IHO1: variants seen among roughly 807,000 people sequenced by gnomAD.
IHO1 encodes the protein interactor of HORMAD1 1, also known as interactor of HORMAD1 protein 1.
IHO1 carries 13 observed loss-of-function variants against 31.0 expected under a neutral mutation model. The ratio of observed to expected loss-of-function variants is 0.42; its 90% CI spans 0.27 to 0.67. The LOEUF is 0.67. IHO1 is among the 30% of genes least tolerant of loss of function. The pLI, the probability that IHO1 is intolerant of heterozygous loss-of-function variation, is 0.24. For missense variants in IHO1, 599 were observed against 687.5 expected (o/e 0.87, Z 1.44); for synonymous variants, 221 against 248.4 (o/e 0.89, Z 1.04).
Position 49,256,064 on chromosome 3 carries a change from T to G in IHO1, c.637-70T>G. ...TTCTGCTGTCACATCCATTGGTCTG[T>G]TCTCATGTTTTATTGTGCTTTCTGA... is the stretch of plus-strand genomic sequence containing the variant. On this transcript the variant is annotated intron_variant, in intron 7 of 7. Coordinates refer to ENST00000452691, the MANE Select transcript of IHO1 (RefSeq NM_001135197.2). The surrounding 1 kb of genome is among the most constrained non-coding windows in gnomAD (Gnocchi z 4.6). The G allele has an allele frequency of 7.5e-7, 1 of 1,329,262 alleles. No homozygotes were observed. The highest frequency in any genetic ancestry group is 1.0e-6 in the Non-Finnish European group (1 of 957,158). The allele number at this position is 1,329,262 out of a possible 1,614,324, so 82.3% of individuals were successfully genotyped here.
chr3:49,236,133 C>T (rs1575580897), intron 2 of IHO1, among the ~76,000 whole-genome samples: 2 of 152,046 alleles, frequency 1.3e-5, no homozygotes. Flanking sequence ...CCTAGCTACC[C>T]AGGAGGCTGA....
chr3:49,201,740 A>G (rs1559435219), intron 1 of IHO1, among the ~76,000 whole-genome samples: 2 of 152,012 alleles, frequency 1.3e-5, no homozygotes, highest in African/African-American at 4.8e-5. Context: ...AACATGGTAA[A>G]CCTCTGTCTC....
intron 2 of IHO1, among the ~76,000 whole-genome samples, chr3:49,217,343 A>G (rs1044727396): frequency 7.9e-5 from 12 of 152,106 alleles, no homozygotes; most frequent in Non-Finnish European, 1.5e-4. Flanking sequence ...TTTCAGGGAC[A>G]TGGATAAAGC....
chr3:49,215,891 G>T (rs1183015302), intron 2 of IHO1, among the ~76,000 whole-genome samples: 2 of 151,940 alleles, frequency 1.3e-5, no homozygotes, highest in Non-Finnish European at 2.9e-5. Flanking sequence ...ACAGGAGAAG[G>T]GTCAATTTCT....
chr3:49,216,903 G>T (rs1022405477), intron 2 of IHO1, among the ~76,000 whole-genome samples: 1 of 152,184 alleles, frequency 6.6e-6, no homozygotes, highest in African/African-American at 2.4e-5. Context: ...ATCATCACTT[G>T]TCGTCAGAGA....
intron 2 of IHO1, among the ~76,000 whole-genome samples, chr3:49,235,929 C>CA (rs35209519): frequency 0.67 from 76,285 of 114,028 alleles, 24,494 homozygotes; most frequent in East Asian, 0.96. Context: ...GACTCTGTCT[C>CA]AAAAAAAAAA....
intron 2 of IHO1, among the ~76,000 whole-genome samples, chr3:49,233,463 A>G (rs1359299417): frequency 6.6e-6 from 1 of 152,252 alleles, no homozygotes; most frequent in Non-Finnish European, 1.5e-5. Context: ...CCTTAATGCC[A>G]GGAACTGGAG....
chr3:49,192,900 A>AAATGAATG, the IHO1 span, among the ~76,000 whole-genome samples: 2 of 152,052 alleles, frequency 1.3e-5, no homozygotes, highest in Non-Finnish European at 2.9e-5. Context: ...CCATCTCAAT[A>AAATGAATG]AATGAATGAA....
At position 49,204,910 on chromosome 3, in the gene IHO1, C is replaced by A. The variant is rs1326111945; in HGVS notation, c.-16+5337C>A. On this transcript the variant is annotated intron_variant, in intron 1 of 7. Transcript: ENST00000452691. ...GGGCGTGGTGGCAGGTGCCTGTAGT[C>A]CCAGCTACTTAGGAGGCTGAGGCAG... Among the ~76,000 whole-genome samples the A allele has an allele frequency of 5.3e-5, 8 of 151,972 alleles. No homozygotes were observed. The East Asian group carries it at 1.4e-3, about 26-fold the overall frequency.
intron 6 of IHO1, among the ~76,000 whole-genome samples, chr3:49,246,829 A>C (rs750787753): frequency 3.8e-4 from 57 of 151,538 alleles, no homozygotes; most frequent in Non-Finnish European, 5.6e-4. Context: ...CCATTCCTTA[A>C]TTTTCTTTTG....
intron 6 of IHO1, among the ~76,000 whole-genome samples, chr3:49,247,448 T>G (rs1575586695): frequency 6.6e-6 from 1 of 151,024 alleles, no homozygotes; most frequent in African/African-American, 2.4e-5. Flanking sequence ...GCCAGGCTGG[T>G]TTTGAACTCC....
intron 3 of IHO1, among the ~76,000 whole-genome samples, chr3:49,237,296 G>A (rs763340065): frequency 1.1e-4 from 16 of 151,998 alleles, no homozygotes; most frequent in Non-Finnish European, 2.4e-4. Context: ...GCAGTGAGCC[G>A]AGATCAAACC....
At chr3:49,243,936 C>G (rs2046663377) in intron 4 of IHO1, among the ~76,000 whole-genome samples, 1 of 150,112 alleles carries the variant, frequency 6.7e-6, no homozygotes, top group African/African-American at 2.4e-5. Flanking sequence ...AGTCTGTGTT[C>G]TCTCTTTTTT....
chr3:49,257,214 T>C lies in IHO1; in HGVS notation c.1717T>C (p.Cys573Arg), dbSNP rs750623281. ...TCTCGGATGTTCAGAGACCCCTCTATGCAAGGAGGCAGGAAAGAATTTGCT... is the reference window on the plus strand; with the variant it reads ...TCTCGGATGTTCAGAGACCCCTCTACGCAAGGAGGCAGGAAAGAATTTGCT... ...LNLGCSETPLCKEAGKNLLYD... is the reference protein window; with the variant it reads ...LNLGCSETPLRKEAGKNLLYD... Residue 573 changes from cysteine (C) to arginine (R), a missense_variant, in exon 8 of 8, where the codon TGC becomes CGC. Transcript: ENST00000452691. 1.5e-5 allele frequency: 24 copies of C among 1,614,054 alleles called. No homozygotes were observed. Among genetic ancestry groups the C allele is most frequent in the Non-Finnish European group, 1.9e-5 (22 of 1,180,034 alleles).
At chr3:49,203,628 C>T (rs2046098620) in intron 1 of IHO1, among the ~76,000 whole-genome samples, 1 of 152,076 alleles carries the variant, frequency 6.6e-6, no homozygotes, top group African/African-American at 2.4e-5. Context: ...ATACAGGACA[C>T]CCAGTTAAAT....
intron 2 of IHO1, among the ~76,000 whole-genome samples, chr3:49,223,541 A>T (rs973026949): frequency 6.6e-6 from 1 of 152,144 alleles, no homozygotes; most frequent in Admixed American, 6.5e-5. Context: ...AATAAAAAAA[A>T]TTAGCTGGGT....
At chr3:49,191,830 C>G in the IHO1 span, 3 of 1,506,870 alleles carry the variant, frequency 2.0e-6, no homozygotes, top group Non-Finnish European at 2.7e-6. Context: ...AGGGTATCTT[C>G]AGGAAAGAGA....
chr3:49,252,762 C>T (rs1027123520), intron 6 of IHO1, among the ~76,000 whole-genome samples: 14 of 151,614 alleles, frequency 9.2e-5, no homozygotes, highest in Middle Eastern at 3.4e-3. Flanking sequence ...CTGTAGAATT[C>T]GGCCGGGCAT....
At chr3:49,243,182 G>A (rs568772695) in intron 4 of IHO1, among the ~76,000 whole-genome samples, 2 of 152,078 alleles carry the variant, frequency 1.3e-5, no homozygotes, top group African/African-American at 4.8e-5. Context: ...TCACTCTGTT[G>A]CCCAGGCTGG....
Sources: allele counts gnomAD v4.1 joint callset (sites outside exome capture counted in the v4.1 genomes callset), GRCh38; gene constraint gnomAD v4.1.1; non-coding constraint Gnocchi (gnomAD v3.1); transcripts MANE v1.5; gene names NCBI Gene and HGNC (gene_info 2026-07-23, HGNC 2026-07-21).